Variants in AK9 observed in about 807,000 individuals in gnomAD.
The protein encoded by AK9 is adenylate kinase domain containing 1.
In AK9, 191 loss-of-function variants were observed where a neutral mutation model predicts 239.6. That is an observed-to-expected ratio of 0.80 (90% CI 0.71 to 0.90). The LOEUF (loss-of-function observed/expected upper bound fraction) is 0.90. AK9 is among the 40% of genes least tolerant of loss of function. The pLI, the probability that AK9 is intolerant of heterozygous loss-of-function variation, is 0.00. For missense variants in AK9, 1,995 were observed against 2,214.7 expected (o/e 0.90, Z 1.99); for synonymous variants, 689 against 721.0 (o/e 0.96, Z 0.71).
At chr6:109,635,341 T>C (rs1421766848) in intron 10 of AK9, among the ~76,000 whole-genome samples, 2 of 152,126 alleles carry the variant, frequency 1.3e-5, no homozygotes, top group East Asian at 3.9e-4. Flanking sequence ...TGGATTCACT[T>C]TGCAAAACCC....
Position 109,610,565 on chromosome 6 carries a change from A to C in AK9, c.1694-52T>G, listed in dbSNP as rs190711869. ...ATGCCATTAATAATTTTAGTGGACAATACTACTTGCAATAAAACATGATTG... is the reference window on the plus strand; with the variant it reads ...ATGCCATTAATAATTTTAGTGGACACTACTACTTGCAATAAAACATGATTG... On this transcript the variant is annotated intron_variant, in intron 16 of 40. Transcript: ENST00000424296. 7.0e-5 allele frequency: 104 copies of C among 1,484,488 alleles called. 2 individuals carry two copies. The Admixed American group carries it at 1.3e-3, about 18-fold the overall frequency. 92.0% of individuals were successfully genotyped at this position (1,484,488 alleles called of 1,614,324 possible).
At chr6:109,637,820 C>T (rs1166569362) in intron 10 of AK9, among the ~76,000 whole-genome samples, 2 of 152,166 alleles carry the variant, frequency 1.3e-5, no homozygotes, top group Non-Finnish European at 2.9e-5. Flanking sequence ...CTTTAATTGA[C>T]CAGGCTCCTT....
chr6:109,659,039 T>G (rs1316397593), intron 7 of AK9, among the ~76,000 whole-genome samples, 189 bp downstream of exon 7: 3 of 152,170 alleles, frequency 2.0e-5, no homozygotes, highest in Non-Finnish European at 1.5e-5. Context: ...AAGGCTAAAC[T>G]TGACCTCAAG....
At chr6:109,681,806 C>T (rs1430940255) in intron 1 of AK9, among the ~76,000 whole-genome samples, 1 of 152,148 alleles carries the variant, frequency 6.6e-6, no homozygotes, top group Non-Finnish European at 1.5e-5. Flanking sequence ...AGCCACACAA[C>T]TAGATGGAAA....
intron 6 of AK9, among the ~76,000 whole-genome samples, 169 bp downstream of exon 6, chr6:109,662,382 A>G (rs1562574478): frequency 6.6e-6 from 1 of 152,164 alleles, no homozygotes; most frequent in Admixed American, 6.5e-5. Flanking sequence ...ATGTGGATGG[A>G]GCTTTAGGAG....
intron 8 of AK9, 118 bp from the exon 9 acceptor site, chr6:109,644,806 G>C: frequency 5.8e-6 from 4 of 692,794 alleles, no homozygotes; most frequent in East Asian, 6.1e-5. Context: ...CCTTATACAT[G>C]CTATAATGTA....
chr6:109,649,647 T>A (rs554385171), intron 8 of AK9, among the ~76,000 whole-genome samples: 1,651 of 152,214 alleles, frequency 0.011, 37 homozygotes, highest in African/African-American at 0.038. Context: ...ATCGTGAAAA[T>A]GGCCATACTG....
intron 13 of AK9, among the ~76,000 whole-genome samples, chr6:109,618,416 C>T (rs1794426363): frequency 6.9e-6 from 1 of 144,456 alleles, no homozygotes; most frequent in Non-Finnish European, 1.5e-5. Flanking sequence ...CTCATTTTTC[C>T]TGGAGAAAAA....
intron 8 of AK9, among the ~76,000 whole-genome samples, chr6:109,655,293 T>A (rs1400774489): frequency 1.3e-5 from 2 of 152,232 alleles, no homozygotes; most frequent in Non-Finnish European, 2.9e-5. Flanking sequence ...TTCTTTATTA[T>A]CAGTGAAGCT....
intron 5 of AK9, among the ~76,000 whole-genome samples, chr6:109,664,586 G>C (rs1057434553): frequency 6.6e-6 from 1 of 151,828 alleles, no homozygotes; most frequent in East Asian, 2.0e-4. Context: ...TACCACGCCC[G>C]GCTAATTTTT....
intron 12 of AK9, among the ~76,000 whole-genome samples, chr6:109,628,355 C>T (rs9372221): frequency 0.58 from 88,546 of 151,978 alleles, 27,476 homozygotes; most frequent in East Asian, 0.84. Context: ...CTCCCTGCTG[C>T]TCTGCTTCAC....
intron 29 of AK9, among the ~76,000 whole-genome samples, chr6:109,517,684 A>C (rs1779413309): frequency 6.6e-6 from 1 of 152,210 alleles, no homozygotes; most frequent in African/African-American, 2.4e-5. Flanking sequence ...TGTGTAAAGC[A>C]GTGTACAAAT....
chr6:109,564,029 C>G, intron 23 of AK9, 51 bp downstream of exon 23: 1 of 1,481,604 alleles, frequency 6.7e-7, no homozygotes, highest in Non-Finnish European at 9.1e-7. Flanking sequence ...CAAAATGCTT[C>G]TAATACTATC....
chr6:109,529,657 C>T (rs1215777396), intron 28 of AK9, among the ~76,000 whole-genome samples: 1 of 152,122 alleles, frequency 6.6e-6, no homozygotes, highest in East Asian at 1.9e-4. Flanking sequence ...ACTTGTTTTC[C>T]TGCAACTACA....
intron 19 of AK9, among the ~76,000 whole-genome samples, chr6:109,581,704 G>T (rs532558492): frequency 6.6e-6 from 1 of 152,206 alleles, no homozygotes; most frequent in African/African-American, 2.4e-5. Context: ...AAGTGCTGAT[G>T]TAGGAGCTGC....
In AK9 at chr6:109,509,311, A is replaced by G; in HGVS notation, c.4349T>C (p.Leu1450Pro). ...LSIGGALRYV[L>P]NNHPETELAL... ...CAGCTCTGTTTCCGGGTGATTGTTT[A>G]GTACATAACGCAAAGCTCCTCCTAT... Residue 1450 changes from leucine to proline, a missense_variant, in exon 33 of 41, where the codon CTA becomes CCA. Leu to Pro is a moderately conservative substitution (Grantham distance 98). Around this residue, in one of 5 missense-constraint regions of AK9, gnomAD observed 1,290 missense variants for 1,392.7 expected, o/e 0.93. Transcript: ENST00000424296. 6.4e-7 allele frequency: 1 copy of G among 1,551,752 alleles called. No homozygotes were observed. The highest frequency in any genetic ancestry group is 8.7e-7 in the Non-Finnish European group (1 of 1,146,994).
chr6:109,616,544 AT>A (rs34287506), intron 13 of AK9, among the ~76,000 whole-genome samples: 87,809 of 149,128 alleles, frequency 0.59, 27,114 homozygotes, highest in South Asian at 0.84. Flanking sequence ...CACCCAACTA[AT>A]TTTTTTTTTT....
At chr6:109,618,564 C>G (rs557237384) in intron 13 of AK9, among the ~76,000 whole-genome samples, 1 of 152,236 alleles carries the variant, frequency 6.6e-6, no homozygotes, top group East Asian at 1.9e-4. Flanking sequence ...AGCTATGCTA[C>G]CCGCTGGGTG....
At chr6:109,559,519 A>T (rs1056683712) in intron 24 of AK9, among the ~76,000 whole-genome samples, 1 of 152,222 alleles carries the variant, frequency 6.6e-6, no homozygotes, top group African/African-American at 2.4e-5. Flanking sequence ...GTCTCAGCAC[A>T]GTTTTGTAGT....
Sources: gnomAD v4.1 joint callset for allele counts (sites outside exome capture counted in the v4.1 genomes callset) on GRCh38, gnomAD v4.1.1 for gene constraint, gnomAD v4.1.1 regional missense constraint, MANE v1.5 for transcripts, NCBI Gene and HGNC (gene_info 2026-07-23, HGNC 2026-07-21) for gene names.